SLC39A11: variants seen among roughly 807,000 people sequenced by gnomAD.
SLC39A11 encodes the protein zinc transporter ZIP11.
In SLC39A11, 33 loss-of-function variants were observed where a neutral mutation model predicts 36.1. The observed-to-expected ratio is 0.91, with a 90% CI of 0.69 to 1.22. SLC39A11 has a LOEUF of 1.22. Among genes scored for constraint, SLC39A11 ranks in the 50% most tolerant of loss-of-function variants. The pLI is 0.00. For synonymous variants in SLC39A11, 166 were observed against 170.3 expected, an observed-to-expected ratio of 0.97 and a Z score of 0.20; for missense variants, 432 against 430.3, an observed-to-expected ratio of 1.00 and a Z score of -0.03.
At chr17:72,716,992 TAC>T (rs367641582) in intron 7 of SLC39A11, among the ~76,000 whole-genome samples, 3,829 of 126,248 alleles carry the variant, frequency 0.03, 85 homozygotes, top group Admixed American at 0.048. Flanking sequence ...TATATATATA[TAC>T]ACACACACAC....
chr17:72,885,484 T>C lies in SLC39A11; in HGVS notation c.431-35680A>G, dbSNP rs118014725. 5.9e-3 allele frequency among the ~76,000 whole-genome samples: 892 copies of C among 152,278 alleles called. 5 individuals are homozygous for C. The highest frequency in any genetic ancestry group is 0.014 in the Middle Eastern group (4 of 294). On this transcript the variant is annotated intron_variant, in intron 5 of 9. Coordinates refer to ENST00000255559, the MANE Select transcript of SLC39A11 (RefSeq NM_139177.4). ...CAGCAGCATTATTCAGGTGCCACTA[T>C]TCATGTAGATAAGCCATCTGCCTCA...
chr17:72,878,801 T>C (rs2081048850), intron 5 of SLC39A11, among the ~76,000 whole-genome samples: 1 of 152,208 alleles, frequency 6.6e-6, no homozygotes, highest in South Asian at 2.1e-4. Flanking sequence ...ATCCAGACAC[T>C]ATCTACCTGG....
chr17:73,036,494 T>C (rs2058920570), intron 3 of SLC39A11, among the ~76,000 whole-genome samples: 1 of 152,144 alleles, frequency 6.6e-6, no homozygotes, highest in Non-Finnish European at 1.5e-5. Flanking sequence ...TCACCCAGGC[T>C]GGAGTGCAGT....
chr17:72,819,319 C>A (rs895910947), intron 6 of SLC39A11, among the ~76,000 whole-genome samples: 1 of 151,272 alleles, frequency 6.6e-6, no homozygotes. Context: ...AAGGAGACAG[C>A]CCTGGAACAG....
chr17:72,716,741 G>A (rs975467460), intron 7 of SLC39A11, among the ~76,000 whole-genome samples: 3 of 152,090 alleles, frequency 2.0e-5, no homozygotes, highest in African/African-American at 7.2e-5. Context: ...AATCGAGGTG[G>A]GCGGATCACT....
intron 5 of SLC39A11, among the ~76,000 whole-genome samples, chr17:72,851,978 G>T (rs139181264): frequency 6.6e-6 from 1 of 151,804 alleles, no homozygotes; most frequent in Non-Finnish European, 1.5e-5. Flanking sequence ...CGAGGCAGGC[G>T]GATCATGAGG....
At chr17:73,081,274 C>T (rs1312932573) in intron 3 of SLC39A11, among the ~76,000 whole-genome samples, 1 of 152,138 alleles carries the variant, frequency 6.6e-6, no homozygotes, top group Non-Finnish European at 1.5e-5. Context: ...CAATGCAACA[C>T]CCCTTACTCC....
At chr17:73,074,894 C>T (rs2060273427) in intron 3 of SLC39A11, among the ~76,000 whole-genome samples, 1 of 152,206 alleles carries the variant, frequency 6.6e-6, no homozygotes, top group African/African-American at 2.4e-5. Flanking sequence ...GTAAGACTGT[C>T]TTTCTCTTCT....
chr17:72,686,694 A>C (rs2071767873), intron 7 of SLC39A11, among the ~76,000 whole-genome samples: 1 of 152,240 alleles, frequency 6.6e-6, no homozygotes, highest in Non-Finnish European at 1.5e-5. Flanking sequence ...TGTGCTCCAC[A>C]GGCAGGAATC....
chr17:72,811,274 T>C (rs1253128376), intron 6 of SLC39A11, among the ~76,000 whole-genome samples: 1 of 152,050 alleles, frequency 6.6e-6, no homozygotes, highest in Non-Finnish European at 1.5e-5. Flanking sequence ...GTCAGGCAAC[T>C]CTATGGGGCC....
intron 5 of SLC39A11, among the ~76,000 whole-genome samples, chr17:72,865,850 G>A (rs564711241): frequency 2.4e-4 from 36 of 152,046 alleles, no homozygotes; most frequent in African/African-American, 8.2e-4. Context: ...AAAAACAGAC[G>A]AACCCACTCG....
intron 6 of SLC39A11, among the ~76,000 whole-genome samples, chr17:72,742,483 C>T (rs1488140023): frequency 3.3e-5 from 5 of 152,074 alleles, no homozygotes; most frequent in Non-Finnish European, 7.4e-5. Flanking sequence ...ACTAACACAC[C>T]GGAGACCATC....
At chr17:72,890,214 G>A (rs113168663) in intron 5 of SLC39A11, among the ~76,000 whole-genome samples, 1,552 of 151,636 alleles carry the variant, frequency 0.01, 35 homozygotes, top group African/African-American at 0.036. Context: ...ACAGTGAGCC[G>A]AGATAGCGCC....
chr17:72,789,453 G>A (rs758089148), intron 6 of SLC39A11, among the ~76,000 whole-genome samples: 12 of 152,186 alleles, frequency 7.9e-5, no homozygotes, highest in Admixed American at 5.9e-4. Context: ...AAGGGCACAC[G>A]AAATGAAGAA....
chr17:72,660,721 A>G (rs1327726444), intron 7 of SLC39A11, among the ~76,000 whole-genome samples: 2 of 152,152 alleles, frequency 1.3e-5, no homozygotes, highest in Non-Finnish European at 2.9e-5. Context: ...CGTGCCATCC[A>G]CAGCGGGATT....
At chr17:72,921,353 G>T (rs1201567941) in intron 5 of SLC39A11, among the ~76,000 whole-genome samples, 1 of 152,186 alleles carries the variant, frequency 6.6e-6, no homozygotes, top group East Asian at 1.9e-4. Context: ...TGAGGGCAAG[G>T]AAAGTGAATG....
chr17:72,846,010 CTCTCTCTCTTTTTTTTTTTTTTTTTTTT>C (rs1449539781), intron 6 of SLC39A11, among the ~76,000 whole-genome samples: 1 of 121,332 alleles, frequency 8.2e-6, no homozygotes, highest in African/African-American at 3.4e-5. Context: ...ATCTCTCTCT[CTCTCTCTCTTTTTTTTTTTTTTTTTTTT>C]TTTTTTTTTG....
intron 7 of SLC39A11, among the ~76,000 whole-genome samples, chr17:72,719,442 A>C (rs1008243420): frequency 6.6e-6 from 1 of 152,154 alleles, no homozygotes; most frequent in Non-Finnish European, 1.5e-5. Flanking sequence ...TTCTTGGCGT[A>C]CCAAGCAGAA....
intron 6 of SLC39A11, among the ~76,000 whole-genome samples, chr17:72,777,980 C>T (rs972127934): frequency 3.3e-5 from 5 of 152,146 alleles, no homozygotes; most frequent in Non-Finnish European, 7.3e-5. Flanking sequence ...TGTCGGCTCA[C>T]TGCAACCTCC....
Sources: gnomAD v4.1 joint callset for allele counts (sites outside exome capture counted in the v4.1 genomes callset) on GRCh38, gnomAD v4.1.1 for gene constraint, MANE v1.5 for transcripts, NCBI Gene and HGNC (gene_info 2026-07-23, HGNC 2026-07-21) for gene names.